TRIP12: variants seen among roughly 807,000 people sequenced by gnomAD.
TRIP12 encodes the protein thyroid hormone receptor interactor 12, also known as E3 ubiquitin-protein ligase TRIP12.
In TRIP12, 25 loss-of-function variants were observed where a neutral mutation model predicts 244.2. The observed-to-expected ratio is 0.10, with a 90% CI of 0.07 to 0.14. The LOEUF is 0.14. TRIP12 is among the 10% of genes least tolerant of loss of function. The pLI is 1.00. For synonymous variants in TRIP12, 905 were observed against 873.1 expected (o/e 1.04, Z -0.64); for missense variants, 1,677 against 2,486.4 (o/e 0.67, Z 6.92).
At chr2:229,851,033 C>T (rs1028141151) in intron 4 of TRIP12, among the ~76,000 whole-genome samples, 5 of 152,212 alleles carry the variant, frequency 3.3e-5, no homozygotes, top group Admixed American at 1.3e-4. Context: ...CCCAAGCCTC[C>T]CCGACGAGCG....
rs1257987053 is a variant in TRIP12 at position 229,804,197 on chromosome 2, G to A, written c.2681C>T (p.Ala894Val). The A allele has an allele frequency of 4.3e-6, 7 of 1,613,494 alleles. No individual in the cohort carries two copies. Among genetic ancestry groups the A allele is most frequent in the Non-Finnish European group, 5.9e-6 (7 of 1,179,878 alleles). Reference sequence around the variant, plus strand: ...ATCCTCTTTCATAAGCTGTGCTCGAGCATCATCCTTCTTTGACTCTGAATA... The same window carrying A: ...ATCCTCTTTCATAAGCTGTGCTCGAACATCATCCTTCTTTGACTCTGAATA... ...SGYSESKKDD[A>V]RAQLMKEDPE... Residue 894 changes from alanine to valine, a missense_variant, in exon 19 of 42, where the codon GCT (alanine) becomes GTT (valine). Physicochemically the swap from Ala to Val is moderately conservative, Grantham distance 64 (BLOSUM62 0). Coordinates refer to ENST00000675903, the MANE Select transcript of TRIP12 (RefSeq NM_001348323.3).
upstream of TRIP12, chr2:229,922,749 C>A: frequency 1.3e-6 from 1 of 799,998 alleles, no homozygotes; most frequent in Non-Finnish European, 2.0e-6. Context: ...GGGAGATTTT[C>A]CTCGTCACCT....
intron 4 of TRIP12, among the ~76,000 whole-genome samples, chr2:229,847,279 G>C (rs1434596594): frequency 1.3e-5 from 2 of 152,140 alleles, no homozygotes; most frequent in Non-Finnish European, 2.9e-5. Flanking sequence ...CTATTACCTT[G>C]CTCTGTCATT....
intron 6 of TRIP12, among the ~76,000 whole-genome samples, chr2:229,833,716 G>T (rs2054037572): frequency 6.6e-6 from 1 of 151,946 alleles, no homozygotes; most frequent in Non-Finnish European, 1.5e-5. Flanking sequence ...AGTAGTTTAG[G>T]TTATCTAAAG....
At chr2:229,873,506 GT>G (rs1346260651) in intron 2 of TRIP12, among the ~76,000 whole-genome samples, 3 of 152,190 alleles carry the variant, frequency 2.0e-5, no homozygotes, top group African/African-American at 4.8e-5. Flanking sequence ...CATGGGCAAT[GT>G]TAATGTTAGG....
intron 4 of TRIP12, among the ~76,000 whole-genome samples, chr2:229,847,981 C>T (rs2057924327): frequency 6.6e-6 from 1 of 152,166 alleles, no homozygotes; most frequent in Admixed American, 6.5e-5. Flanking sequence ...ATCCTGCCTC[C>T]ATCTGTGGCC....
At position 229,796,756 on chromosome 2, in the gene TRIP12, T is replaced by C. The variant is rs1288109681; in HGVS notation, c.3651A>G (p.Val1217=). 9 of 1,597,422 alleles carry C rather than the reference T, an allele frequency of 5.6e-6. No homozygotes were observed. The highest frequency in any genetic ancestry group is 7.7e-6 in the Non-Finnish European group (9 of 1,174,476). Residue 1217 remains valine, a synonymous_variant, in exon 25 of 42, where the codon GTA becomes GTG. Transcript: ENST00000675903. ...ACTCTGAGACTATGCTACGGATTTCTACAAGGCACTCAGCTCCACCATCCA... is the reference window on the plus strand; with the variant it reads ...ACTCTGAGACTATGCTACGGATTTCCACAAGGCACTCAGCTCCACCATCCA... ...LQVDGGAECL[V]EIRSIVSESD... is the part of the protein sequence containing the mutation.
chr2:229,811,957 A>C (rs2047349112), intron 13 of TRIP12, among the ~76,000 whole-genome samples: 1 of 152,218 alleles, frequency 6.6e-6, no homozygotes, highest in Non-Finnish European at 1.5e-5. Context: ...AGAGTGCTAC[A>C]AATTGTGACT....
chr2:229,773,994 G>T, intron 38 of TRIP12, 103 bp downstream of exon 38: 1 of 1,237,156 alleles, frequency 8.1e-7, no homozygotes. Context: ...CTGGGGATGT[G>T]GAAGGTCTCA....
intron 4 of TRIP12, among the ~76,000 whole-genome samples, chr2:229,850,388 A>G (rs541098866): frequency 6.6e-6 from 1 of 152,346 alleles, no homozygotes; most frequent in African/African-American, 2.4e-5. Context: ...AAGTTGCTAA[A>G]TTACTTTAAT....
chr2:229,914,391 T>C (rs966574496), intron 1 of TRIP12, among the ~76,000 whole-genome samples: 1 of 152,154 alleles, frequency 6.6e-6, no homozygotes, highest in African/African-American at 2.4e-5. Context: ...GTCTGAGAAG[T>C]TGACAGCATT....
At position 229,795,155 on chromosome 2, in the gene TRIP12, G is replaced by GTA. The variant is rs1390841093; in HGVS notation, c.3968+22_3968+23dup. ...TAAGTACCAAATTCCAGTGGCAAGG[G>GTA]TATAGCCAGGCAATGGTCCTTACCT... is the stretch of plus-strand genomic sequence containing the variant. On this transcript the variant is annotated intron_variant, in intron 26 of 41. Coordinates refer to ENST00000675903, the MANE Select transcript of TRIP12 (RefSeq NM_001348323.3). The GTA allele has an allele frequency of 1.9e-6, 3 of 1,609,106 alleles. No individual in the cohort carries two copies. In the African/African-American group the frequency reaches 4.0e-5, roughly 22 times the overall value.
At chr2:229,840,012 T>A (rs1454930362) in intron 5 of TRIP12, among the ~76,000 whole-genome samples, 1 of 152,162 alleles carries the variant, frequency 6.6e-6, no homozygotes, top group African/African-American at 2.4e-5. Context: ...CATTTCCCCC[T>A]CCATTCATTA....
At chr2:229,896,435 C>T (rs560906521) in intron 1 of TRIP12, among the ~76,000 whole-genome samples, 15 of 151,902 alleles carry the variant, frequency 9.9e-5, no homozygotes, top group South Asian at 6.2e-4. Context: ...GTCAGGAGCT[C>T]GGGACCAGCC....
At chr2:229,793,617 T>C (rs79275791) in intron 26 of TRIP12, among the ~76,000 whole-genome samples, 2,736 of 152,332 alleles carry the variant, frequency 0.018, 52 homozygotes, top group Non-Finnish European at 0.025. Context: ...CTTGCTATAA[T>C]AGTTTTGAAC....
intron 4 of TRIP12, among the ~76,000 whole-genome samples, chr2:229,846,446 C>A (rs1368964314): frequency 1.3e-5 from 2 of 152,124 alleles, no homozygotes; most frequent in African/African-American, 4.8e-5. Context: ...ATATTTTTAA[C>A]TAAGCCATGT....
At chr2:229,809,224 GA>G (rs1438702616) in intron 15 of TRIP12, among the ~76,000 whole-genome samples, 1 of 152,124 alleles carries the variant, frequency 6.6e-6, no homozygotes, top group Non-Finnish European at 1.5e-5. Flanking sequence ...CACAATTAGT[GA>G]TTAAGATTTT....
chr2:229,785,494 G>A (rs916004266), intron 34 of TRIP12, among the ~76,000 whole-genome samples: 1 of 152,202 alleles, frequency 6.6e-6, no homozygotes, highest in Non-Finnish European at 1.5e-5. Context: ...CATTTTGAAA[G>A]TTATCAGCTG....
Position 229,799,498 on chromosome 2 carries a change from C to T in TRIP12, c.3207-115G>A, listed in dbSNP as rs374145403. On this transcript the variant is annotated intron_variant, in intron 21 of 41. Transcript: ENST00000675903. The stretch of plus-strand genomic sequence containing the variant: ...AGGGAGTAATAAAATACTGTCAGGC[C>T]GGGCGCGGTGGCTCACGCCTGTAAT... 133 of 937,484 alleles carry T rather than the reference C, an allele frequency of 1.4e-4. No homozygotes were observed. The South Asian group carries it at 1.6e-3, about 12-fold the overall frequency. The allele number at this position is 937,484 out of a possible 1,614,324, so 58.1% of individuals were successfully genotyped here. A position where few individuals can be genotyped will look rare whatever the true frequency, so the allele number is the denominator to read the frequency against.
Sources: gnomAD v4.1 joint callset for allele counts (sites outside exome capture counted in the v4.1 genomes callset) on GRCh38, gnomAD v4.1.1 for gene constraint, MANE v1.5 for transcripts, NCBI Gene and HGNC (gene_info 2026-07-23, HGNC 2026-07-21) for gene names.